Variants in GRM7 observed in about 807,000 individuals in gnomAD.
GRM7 encodes glutamate metabotropic receptor 7, also known as metabotropic glutamate receptor 7.
In GRM7, 35 loss-of-function variants were observed where a neutral mutation model predicts 84.5. That is an observed-to-expected ratio of 0.41 (90% CI 0.32 to 0.55). GRM7 has a LOEUF of 0.55. GRM7 is among the 20% of genes least tolerant of loss of function. GRM7 has a pLI of 0.19. For missense variants in GRM7, 1,003 were observed against 1,194.6 expected, an observed-to-expected ratio of 0.84 and a Z score of 2.36; for synonymous variants, 487 against 455.1, an observed-to-expected ratio of 1.07 and a Z score of -0.89.
In GRM7 at chr3:7,064,097, T is replaced by C. The variant is rs183934678; in HGVS notation, c.520-82355T>C. ...AATTTATTTTATTTTATTTTATGTA[T>C]TCTTTTCATAAGTTATTGAGGAACA... is the stretch of plus-strand genomic sequence containing the variant. On this transcript the variant is annotated intron_variant, in intron 1 of 9. Coordinates refer to ENST00000357716, the MANE Select transcript of GRM7 (RefSeq NM_000844.4). Among the ~76,000 whole-genome samples, 21 of 151,580 alleles carry C rather than the reference T, an allele frequency of 1.4e-4. No homozygotes were observed. In the East Asian group the frequency reaches 3.9e-3, roughly 28 times the overall value.
At chr3:7,247,135 C>T (rs185920617) in intron 2 of GRM7, among the ~76,000 whole-genome samples, 84 of 152,206 alleles carry the variant, frequency 5.5e-4, no homozygotes, top group African/African-American at 1.9e-3. Context: ...ACCCTTGCCT[C>T]TCAACATACA....
intron 2 of GRM7, among the ~76,000 whole-genome samples, chr3:7,248,721 G>A (rs1171673379): frequency 1.3e-5 from 2 of 152,020 alleles, no homozygotes; most frequent in Non-Finnish European, 2.9e-5. Flanking sequence ...CCAAATAATG[G>A]CCCTGTTACT....
intron 1 of GRM7, among the ~76,000 whole-genome samples, chr3:7,017,589 C>T (rs142379249): frequency 3.3e-5 from 5 of 152,224 alleles, no homozygotes; most frequent in Non-Finnish European, 7.4e-5. Flanking sequence ...TTCCCGAATC[C>T]GATGTCGATA....
chr3:7,194,406 C>T (rs552213787), intron 2 of GRM7, among the ~76,000 whole-genome samples: 1 of 152,302 alleles, frequency 6.6e-6, no homozygotes, highest in African/African-American at 2.4e-5. Flanking sequence ...ATTACTAAAA[C>T]ATTAAATGAT....
At chr3:7,385,831 G>A (rs1487482667) in intron 4 of GRM7, among the ~76,000 whole-genome samples, 2 of 152,162 alleles carry the variant, frequency 1.3e-5, no homozygotes, top group African/African-American at 4.8e-5. Context: ...TATTTCATCA[G>A]TGACAGAATG....
rs549136852 is a variant in GRM7 at position 7,328,229 on chromosome 3, G to A, written c.1033+21577G>A. Among the ~76,000 whole-genome samples the A allele has an allele frequency of 1.4e-3, 212 of 152,302 alleles. 1 individual carries two copies. Among genetic ancestry groups the A allele is most frequent in the African/African-American group, 4.8e-3 (199 of 41,576 alleles). On this transcript the variant is annotated intron_variant, in intron 4 of 9. Transcript: ENST00000357716. ...ATTAGGAAAAATTTTCTAACTCATCGTCATGGCTTTTGTGTCCTATACCAT... is the reference window on the plus strand; with the variant it reads ...ATTAGGAAAAATTTTCTAACTCATCATCATGGCTTTTGTGTCCTATACCAT...
chr3:7,452,365 G>C (rs1185436842), intron 5 of GRM7, among the ~76,000 whole-genome samples: 1 of 152,136 alleles, frequency 6.6e-6, no homozygotes, highest in Non-Finnish European at 1.5e-5. Context: ...ATTTTGAATA[G>C]TATGTAAGGT....
chr3:7,579,650 C>A (rs1263660206), intron 8 of GRM7, among the ~76,000 whole-genome samples: 1 of 151,776 alleles, frequency 6.6e-6, no homozygotes, highest in African/African-American at 2.4e-5. Flanking sequence ...CTAAAATAAC[C>A]CTTCATATTC....
rs1482804367 is a variant in GRM7, at chr3:7,063,980, C to T, written c.520-82472C>T. Among the ~76,000 whole-genome samples the T allele has an allele frequency of 5.4e-5, 8 of 149,174 alleles. 1 individual carries two copies. In the East Asian group the frequency reaches 1.2e-3, roughly 23 times the overall value. ...AGAGCAAAAGGTGGTGGGTATGCAG[C>T]GTGGGATCTTCTGATCCACACAGTC... is the stretch of plus-strand genomic sequence containing the variant. On this transcript the variant is annotated intron_variant, in intron 1 of 9. Transcript: ENST00000357716.
chr3:7,707,125 T>G (rs764263676), intron 9 of GRM7, among the ~76,000 whole-genome samples: 2 of 152,158 alleles, frequency 1.3e-5, no homozygotes, highest in Non-Finnish European at 2.9e-5. Context: ...TGAGGTTACA[T>G]TCTACCTTGC....
intron 1 of GRM7, among the ~76,000 whole-genome samples, chr3:7,077,847 T>C (rs1262445658): frequency 6.6e-6 from 1 of 152,216 alleles, no homozygotes; most frequent in African/African-American, 2.4e-5. Context: ...ATTTGTTCCA[T>C]ACCACTTTAT....
At chr3:7,002,096 C>A (rs1230118541) in intron 1 of GRM7, among the ~76,000 whole-genome samples, 4 of 152,260 alleles carry the variant, frequency 2.6e-5, no homozygotes, top group Middle Eastern at 3.4e-3. Context: ...TTTCTTATAT[C>A]TCTTGCTTTA....
chr3:7,324,304 C>T (rs1388976596), intron 4 of GRM7, among the ~76,000 whole-genome samples: 1 of 152,166 alleles, frequency 6.6e-6, no homozygotes, highest in Non-Finnish European at 1.5e-5. Flanking sequence ...GTCATAGGTT[C>T]ATTTAAGGAA....
chr3:7,694,422 C>T (rs1016401516), intron 9 of GRM7: 6 of 954,112 alleles, frequency 6.3e-6, no homozygotes, highest in Non-Finnish European at 5.0e-6. Context: ...TACCCATTGT[C>T]ATCCTGTACC....
At chr3:6,877,366 T>C (rs1454450059) in intron 1 of GRM7, among the ~76,000 whole-genome samples, 1 of 152,202 alleles carries the variant, frequency 6.6e-6, no homozygotes. Flanking sequence ...TATTGTTGAC[T>C]GGGATTGATG....
chr3:7,350,259 C>T (rs1488868303), intron 4 of GRM7, among the ~76,000 whole-genome samples: 2 of 151,882 alleles, frequency 1.3e-5, no homozygotes, highest in African/African-American at 4.8e-5. Context: ...GATCTGTGTC[C>T]CCACCCAAAT....
chr3:7,063,614 A>T (rs1160381151), intron 1 of GRM7, among the ~76,000 whole-genome samples: 1 of 151,756 alleles, frequency 6.6e-6, no homozygotes, highest in East Asian at 1.9e-4. Flanking sequence ...TTTACATGAA[A>T]TAATTTGGCT....
intron 1 of GRM7, among the ~76,000 whole-genome samples, chr3:6,903,917 A>G (rs1002829581): frequency 1.3e-5 from 2 of 152,128 alleles, no homozygotes; most frequent in Non-Finnish European, 2.9e-5. Flanking sequence ...CTATTTTCCC[A>G]TCTGTGAATT....
chr3:7,546,487 T>C lies in GRM7; in HGVS notation c.1516-31935T>C, dbSNP rs149228200. ...ACTTCTCAGCAGTCCAGAAACAAGA[T>C]AACTTGCCGTAGGAGAAGCAGGTAA... is the stretch of plus-strand genomic sequence containing the variant. On this transcript the variant is annotated intron_variant, in intron 7 of 9. Coordinates refer to ENST00000357716, the MANE Select transcript of GRM7 (RefSeq NM_000844.4). 1.5e-3 allele frequency among the ~76,000 whole-genome samples: 224 copies of C among 152,316 alleles called. 1 individual carries two copies. Among genetic ancestry groups the C allele is most frequent in the African/African-American group, 5.1e-3 (212 of 41,576 alleles).
Sources: allele counts gnomAD v4.1 joint callset (sites outside exome capture counted in the v4.1 genomes callset), GRCh38; gene constraint gnomAD v4.1.1; transcripts MANE v1.5; gene names NCBI Gene and HGNC (gene_info 2026-07-23, HGNC 2026-07-21).